IKZF2: variants seen among roughly 807,000 people sequenced by gnomAD.
IKZF2 encodes zinc finger protein Helios.
Under a neutral mutation model 49.2 loss-of-function variants are expected in IKZF2, and 15 were observed. That is an observed-to-expected ratio of 0.30 (90% confidence interval 0.20 to 0.47). The LOEUF (loss-of-function observed/expected upper bound fraction) is 0.47. Ranked by LOEUF, IKZF2 falls within the 20% of genes least tolerant of loss-of-function variation. IKZF2 has a pLI of 1.00. For synonymous variants in IKZF2, 227 were observed against 221.4 expected (o/e 1.03, Z -0.23); for missense variants, 567 against 664.6 (o/e 0.85, Z 1.61).
At chr2:213,027,094 T>A (rs969903803) in intron 6 of IKZF2, among the ~76,000 whole-genome samples, 1 of 152,112 alleles carries the variant, frequency 6.6e-6, no homozygotes. Context: ...TTTCAGCTCC[T>A]TCTTTTGGTG....
intron 6 of IKZF2, among the ~76,000 whole-genome samples, chr2:213,030,869 G>C (rs1698351369): frequency 6.7e-6 from 1 of 149,414 alleles, no homozygotes; most frequent in Non-Finnish European, 1.5e-5. Flanking sequence ...CCAGACTGGA[G>C]GGCAGGAGTG....
chr2:213,122,497 C>T (rs2060091860), intron 4 of IKZF2, among the ~76,000 whole-genome samples: 1 of 152,024 alleles, frequency 6.6e-6, no homozygotes, highest in Admixed American at 6.6e-5. Context: ...TACGATCAAG[C>T]AAGTTTGAGA....
At chr2:213,082,836 T>C (rs1704094524) in intron 4 of IKZF2, among the ~76,000 whole-genome samples, 1 of 152,202 alleles carries the variant, frequency 6.6e-6, no homozygotes, top group Admixed American at 6.5e-5. Context: ...ACTTATTACA[T>C]CCATAAACAC....
chr2:213,006,230 G>C lies in IKZF2; in HGVS notation c.*1130C>G, dbSNP rs1201570355. On this transcript the variant is annotated 3_prime_UTR_variant, in exon 9 of 9. Coordinates refer to ENST00000434687, the MANE Select transcript of IKZF2 (RefSeq NM_001387220.1). ...AAACAGCCGACAGGAAGACTTTTAA[G>C]ACCTTCTACTCGAAGAGTAAAGGAT... The C allele has an allele frequency of 6.6e-6, 1 of 152,294 alleles. No homozygotes were observed. Among genetic ancestry groups the C allele is most frequent in the East Asian group, 1.9e-4 (1 of 5,168 alleles). The allele number at this position is 152,294 out of a possible 1,614,324, so 9.4% of individuals were successfully genotyped here. A position where few individuals can be genotyped will look rare whatever the true frequency, so the allele number is the denominator to read the frequency against.
chr2:213,114,629 ACCT>A (rs2059811326), intron 4 of IKZF2, among the ~76,000 whole-genome samples: 1 of 152,092 alleles, frequency 6.6e-6, no homozygotes, highest in Non-Finnish European at 1.5e-5. Context: ...CAATGCAAAA[ACCT>A]CTTAAGAAAC....
chr2:213,069,754 T>C (rs1322755157), intron 4 of IKZF2, among the ~76,000 whole-genome samples: 3 of 152,092 alleles, frequency 2.0e-5, no homozygotes, highest in Non-Finnish European at 4.4e-5. Flanking sequence ...CTTCACAGTA[T>C]AGCAACACCT....
intron 4 of IKZF2, among the ~76,000 whole-genome samples, chr2:213,121,524 T>C (rs1340838315): frequency 6.6e-6 from 1 of 152,232 alleles, no homozygotes; most frequent in African/African-American, 2.4e-5. Context: ...TCATGTATGA[T>C]ATTCCTGGAA....
chr2:213,038,207 T>C (rs1019207269), intron 6 of IKZF2, among the ~76,000 whole-genome samples: 1 of 151,998 alleles, frequency 6.6e-6, no homozygotes, highest in Non-Finnish European at 1.5e-5. Flanking sequence ...TACAGGGGCC[T>C]GCCACCACGC....
intron 6 of IKZF2, among the ~76,000 whole-genome samples, chr2:213,025,729 T>C (rs1045796663): frequency 2.0e-5 from 3 of 152,090 alleles, no homozygotes; most frequent in African/African-American, 7.2e-5. Flanking sequence ...TACCCAAAAC[T>C]ATCTTCCTCC....
chr2:213,025,901 C>G (rs953062443), intron 6 of IKZF2, among the ~76,000 whole-genome samples: 1 of 152,104 alleles, frequency 6.6e-6, no homozygotes, highest in Non-Finnish European at 1.5e-5. Flanking sequence ...AAATGATTCT[C>G]AAGTTGATCC....
chr2:213,016,992 A>T (rs1047800436), intron 7 of IKZF2: 6 of 152,286 alleles, frequency 3.9e-5, no homozygotes, highest in African/African-American at 1.4e-4. Flanking sequence ...TCAGGCAGGC[A>T]AAAACAACAG....
chr2:213,079,485 GA>G (rs11307880), intron 4 of IKZF2, among the ~76,000 whole-genome samples: 55,344 of 140,822 alleles, frequency 0.39, 11,451 homozygotes, highest in African/African-American at 0.43. Context: ...GGGGGAGAGA[GA>G]AAAAAAGAAA....
rs555028718 is a variant in IKZF2 at position 213,121,386 on chromosome 2, C to G, written c.139+26322G>C. Among the ~76,000 whole-genome samples, 4 of 152,322 alleles carry G rather than the reference C, an allele frequency of 2.6e-5. No homozygotes were observed. The South Asian group carries it at 8.3e-4, about 32-fold the overall frequency. ...AGCTCTTCTTTCCTTTTGGCTCCAG[C>G]TCATGGAGATATGGCTTCCTATCTT... On this transcript the variant is annotated intron_variant, in intron 4 of 8. Coordinates refer to ENST00000434687, the MANE Select transcript of IKZF2 (RefSeq NM_001387220.1).
intron 7 of IKZF2, among the ~76,000 whole-genome samples, chr2:213,017,918 T>G (rs1309513529): frequency 6.6e-6 from 1 of 152,132 alleles, no homozygotes; most frequent in Non-Finnish European, 1.5e-5. Context: ...AGATATAATA[T>G]TCAATGGATG....
At chr2:213,014,037 G>T in intron 7 of IKZF2, 103 bp from the exon 8 acceptor site, 3 of 1,076,302 alleles carry the variant, frequency 2.8e-6, no homozygotes, top group Non-Finnish European at 4.1e-6. Flanking sequence ...AAGCTAGTAT[G>T]CTTCAGTAGA....
At chr2:213,119,190 G>T (rs1219329794) in intron 4 of IKZF2, among the ~76,000 whole-genome samples, 2 of 152,122 alleles carry the variant, frequency 1.3e-5, no homozygotes, top group Non-Finnish European at 2.9e-5. Context: ...TACCACAAGG[G>T]AAGTGGGTTT....
chr2:213,089,579 T>A (rs1375431108), intron 4 of IKZF2, among the ~76,000 whole-genome samples: 1 of 152,226 alleles, frequency 6.6e-6, no homozygotes, highest in Non-Finnish European at 1.5e-5. Context: ...CCAAGAATGA[T>A]TCTAACTAGA....
chr2:213,125,178 T>C (rs2060217273), intron 4 of IKZF2, among the ~76,000 whole-genome samples: 1 of 152,240 alleles, frequency 6.6e-6, no homozygotes, highest in Admixed American at 6.5e-5. Flanking sequence ...TCTTCTGTTC[T>C]AGAGTGTATA....
At chr2:213,110,410 G>GT (rs568585395) in intron 4 of IKZF2, among the ~76,000 whole-genome samples, 6 of 149,720 alleles carry the variant, frequency 4.0e-5, no homozygotes, top group South Asian at 2.1e-4. Flanking sequence ...CATTTCTGGG[G>GT]TTTTTTTTAC....
Sources: gnomAD v4.1 joint callset for allele counts (sites outside exome capture counted in the v4.1 genomes callset) on GRCh38, gnomAD v4.1.1 for gene constraint, MANE v1.5 for transcripts, NCBI Gene and HGNC (gene_info 2026-07-23, HGNC 2026-07-21) for gene names.